Variants in MAST4 observed in about 807,000 individuals in gnomAD.
MAST4 encodes the protein microtubule associated serine/threonine kinase family member 4.
A neutral mutation model predicts 162.7 loss-of-function variants in MAST4; 89 were observed. That is an observed-to-expected ratio of 0.55 (90% CI 0.46 to 0.65). MAST4 has a LOEUF of 0.65. MAST4 is among the 30% of genes least tolerant of loss of function. The probability of loss-of-function intolerance (pLI) is 0.00; values close to 1 mark genes in which losing one functional copy is unlikely to be tolerated. For synonymous variants in MAST4, 1,479 were observed against 1,361.1 expected (o/e 1.09, Z -1.91); for missense variants, 3,153 against 3,374.0 (o/e 0.93, Z 1.62).
At chr5:66,859,021 G>T (rs886817222) in intron 3 of MAST4, among the ~76,000 whole-genome samples, 1 of 151,756 alleles carries the variant, frequency 6.6e-6, no homozygotes, top group African/African-American at 2.4e-5. Context: ...TAAAATCTCT[G>T]AGCTCTTTTA....
rs747988085 is a variant in MAST4, at chr5:67,164,465, A to T, written c.5286A>T (p.Thr1762=). ...AVSFVPLKAL[T]GRVDSGTEKP... ...CTTTTGTTCCCCTCAAGGCCTTAACAGGCCGGGTGGACAGTGGAACGGAGA... is the reference window on the plus strand; with the variant it reads ...CTTTTGTTCCCCTCAAGGCCTTAACTGGCCGGGTGGACAGTGGAACGGAGA... Residue 1762 remains threonine, a synonymous_variant, in exon 29 of 29, where the codon ACA becomes ACT. Transcript: ENST00000403625. This position sits in a 1 kb window ranked among gnomAD's most constrained non-coding sequence, Gnocchi z 5.3. The T allele has an allele frequency of 6.2e-7, 1 of 1,614,028 alleles. No individual in the cohort carries two copies. Among genetic ancestry groups the T allele is most frequent in the Non-Finnish European group, 8.5e-7 (1 of 1,179,900 alleles).
intron 3 of MAST4, 25 bp downstream of exon 3, chr5:66,788,819 A>G: frequency 2.6e-6 from 4 of 1,527,032 alleles, no homozygotes; most frequent in Non-Finnish European, 3.5e-6. Flanking sequence ...GCGCCGGTGG[A>G]GGCTGCTCCA....
intron 3 of MAST4, among the ~76,000 whole-genome samples, chr5:66,840,840 C>T (rs1318610965): frequency 6.6e-6 from 1 of 152,136 alleles, no homozygotes; most frequent in South Asian, 2.1e-4. Context: ...CACATTCTCC[C>T]TCTAGACCTA....
At chr5:66,898,643 A>G (rs981118900) in intron 3 of MAST4, among the ~76,000 whole-genome samples, 1 of 152,244 alleles carries the variant, frequency 6.6e-6, no homozygotes, top group Non-Finnish European at 1.5e-5. Context: ...TTTACCACTG[A>G]ACCCTAGAGC....
chr5:67,140,407 G>A (rs1346715184), intron 19 of MAST4, among the ~76,000 whole-genome samples: 1 of 152,256 alleles, frequency 6.6e-6, no homozygotes, highest in Non-Finnish European at 1.5e-5. Flanking sequence ...AGGATGCATG[G>A]TGGGCTGGAG....
At chr5:66,869,536 C>G (rs1483801550) in intron 3 of MAST4, among the ~76,000 whole-genome samples, 1 of 152,108 alleles carries the variant, frequency 6.6e-6, no homozygotes, top group South Asian at 2.1e-4. Flanking sequence ...AAAACATAAT[C>G]CTGACTGGCA....
intron 1 of MAST4, among the ~76,000 whole-genome samples, chr5:66,667,897 G>C (rs1025332584): frequency 6.6e-6 from 1 of 151,920 alleles, no homozygotes; most frequent in Non-Finnish European, 1.5e-5. Flanking sequence ...TAAGGGCCAG[G>C]GTCCAGTATT....
At chr5:66,655,759 G>GT (rs1442072160) in intron 1 of MAST4, among the ~76,000 whole-genome samples, 7 of 152,278 alleles carry the variant, frequency 4.6e-5, no homozygotes, top group South Asian at 2.1e-4. Context: ...GTGGTATGAA[G>GT]TGCATGTGTG....
Position 67,165,178 on chromosome 5 carries a change from T to C in MAST4, c.5999T>C (p.Leu2000Pro). Residue 2000 changes from leucine to proline, a missense_variant, in exon 29 of 29, where the codon CTG becomes CCG. This residue lies in a region of MAST4 where 1,644 missense variants were observed against 1,495.0 expected (regional missense o/e 1.10). Transcript: ENST00000403625. The stretch of plus-strand genomic sequence containing the variant: ...ACATGCAGAGAGCCCTCCATGGAAC[T>C]GTGCTTTCCAGAAACTGCGAAAACC... ...ADTCREPSME[L>P]CFPETAKTSD... 1 of 1,605,468 alleles carries C rather than the reference T, an allele frequency of 6.2e-7. No homozygotes were observed. Among genetic ancestry groups the C allele is most frequent in the Non-Finnish European group, 8.5e-7 (1 of 1,175,844 alleles).
chr5:66,774,452 A>T (rs977857914), intron 2 of MAST4, among the ~76,000 whole-genome samples: 24 of 152,232 alleles, frequency 1.6e-4, no homozygotes, highest in Non-Finnish European at 3.2e-4. Flanking sequence ...TAAACTGATC[A>T]TGAAGCATGT....
intron 1 of MAST4, among the ~76,000 whole-genome samples, chr5:66,637,238 A>G (rs536430854): frequency 1.1e-5 from 1 of 87,818 alleles, no homozygotes; most frequent in South Asian, 5.7e-4. Flanking sequence ...GATTATTTCC[A>G]TTCTTTTTTT....
intron 3 of MAST4, among the ~76,000 whole-genome samples, chr5:66,828,067 T>C (rs1437894368): frequency 1.3e-5 from 2 of 152,206 alleles, no homozygotes; most frequent in Non-Finnish European, 2.9e-5. Context: ...ATGATGGCTC[T>C]TAGAATCCCC....
intron 1 of MAST4, among the ~76,000 whole-genome samples, chr5:66,695,280 C>T (rs1186751767): frequency 6.6e-6 from 1 of 152,096 alleles, no homozygotes; most frequent in Non-Finnish European, 1.5e-5. Flanking sequence ...GAATCCTTTC[C>T]CCATTGCTTG....
intron 3 of MAST4, among the ~76,000 whole-genome samples, chr5:66,895,992 T>C (rs571747625): frequency 2.0e-5 from 3 of 152,354 alleles, no homozygotes; most frequent in African/African-American, 7.2e-5. Flanking sequence ...TGGTACATTG[T>C]TATCATCTAA....
At chr5:66,796,237 T>C (rs1755639838) in intron 3 of MAST4, among the ~76,000 whole-genome samples, 1 of 152,218 alleles carries the variant, frequency 6.6e-6, no homozygotes. Context: ...ATTGTAAACA[T>C]GGCTGGCTGC....
At chr5:67,009,877 G>T (rs1752472175) in intron 4 of MAST4, among the ~76,000 whole-genome samples, 1 of 152,158 alleles carries the variant, frequency 6.6e-6, no homozygotes, top group Admixed American at 6.5e-5. Flanking sequence ...GATAAAGAAT[G>T]AAGTGAGATT....
chr5:67,127,060 A>G (rs1313864980), intron 14 of MAST4, among the ~76,000 whole-genome samples: 1 of 151,670 alleles, frequency 6.6e-6, no homozygotes, highest in Non-Finnish European at 1.5e-5. Context: ...TTACTGGTGT[A>G]TAGGATTTTT....
intron 4 of MAST4, among the ~76,000 whole-genome samples, chr5:66,952,275 C>G (rs1359168946): frequency 1.3e-5 from 2 of 152,150 alleles, no homozygotes; most frequent in Non-Finnish European, 2.9e-5. Context: ...AGGCCAAAGT[C>G]ATGTCTTAGT....
intron 3 of MAST4, chr5:66,789,797 C>A (rs1391585308): frequency 1.9e-6 from 1 of 516,692 alleles, no homozygotes; most frequent in South Asian, 1.4e-5. Flanking sequence ...TGCAAATACG[C>A]TTTTCATCAA....
Sources: gnomAD v4.1 joint callset for allele counts (sites outside exome capture counted in the v4.1 genomes callset) on GRCh38, gnomAD v4.1.1 for gene constraint, gnomAD v4.1.1 regional missense constraint, Gnocchi (gnomAD v3.1) non-coding constraint, MANE v1.5 for transcripts, NCBI Gene and HGNC (gene_info 2026-07-23, HGNC 2026-07-21) for gene names.